DAGLA: variants seen among roughly 807,000 people sequenced by gnomAD.
The protein encoded by DAGLA is diacylglycerol lipase-alpha.
Under a neutral mutation model 102.6 loss-of-function variants are expected in DAGLA, and 22 were observed. That is an observed-to-expected ratio of 0.21 (90% CI 0.15 to 0.31). DAGLA has a LOEUF of 0.31. DAGLA is among the 10% of genes least tolerant of loss of function. DAGLA has a pLI of 1.00. For missense variants in DAGLA, 927 were observed against 1,446.6 expected (o/e 0.64, Z 5.83); for synonymous variants, 578 against 628.9 (o/e 0.92, Z 1.21).
intron 1 of DAGLA, among the ~76,000 whole-genome samples, chr11:61,707,255 C>T (rs979983557): frequency 2.6e-5 from 4 of 152,366 alleles, no homozygotes; most frequent in Admixed American, 6.5e-5. Flanking sequence ...GAAGTGACAG[C>T]GTGACAAGGC....
In DAGLA at chr11:61,735,010, C is replaced by A; in HGVS notation, c.1128+8C>A. 6.2e-7 allele frequency: 1 copy of A among 1,611,434 alleles called. No individual in the cohort carries two copies. The highest frequency in any genetic ancestry group is 8.5e-7 in the Non-Finnish European group (1 of 1,178,154). On this transcript the variant is annotated splice_region_variant and intron_variant, in intron 10 of 19. Transcript: ENST00000257215. ...ACCTCCTGCCATGATGCGGTGAGGC[C>A]GGGCAGGGCTGGGGCCTGGTGTCAG...
intron 9 of DAGLA, among the ~76,000 whole-genome samples, chr11:61,733,213 A>C (rs991033408): frequency 6.6e-6 from 1 of 152,190 alleles, no homozygotes; most frequent in Non-Finnish European, 1.5e-5. Flanking sequence ...GTGATACAGC[A>C]AGGGTTCAAA....
rs61896067 is a variant in DAGLA, at chr11:61,745,088, G to A, written c.*599G>A. 0.13 allele frequency: 20,227 copies of A among 154,096 alleles called. 1,739 individuals are homozygous for A. The highest frequency in any genetic ancestry group is 0.22 in the South Asian group (1,042 of 4,842). 9.5% of individuals were successfully genotyped at this position (154,096 alleles called of 1,614,324 possible). ...CCGCCCAATCATGTGTTCAGTAGCC[G>A]TCCTCTGAGCAGGGCCCAAGGCAGC... On this transcript the variant is annotated 3_prime_UTR_variant, in exon 20 of 20. Coordinates refer to ENST00000257215, the MANE Select transcript of DAGLA (RefSeq NM_006133.3).
chr11:61,732,924 GC>G (rs2065388569), intron 9 of DAGLA, among the ~76,000 whole-genome samples: 1 of 152,286 alleles, frequency 6.6e-6, no homozygotes, highest in East Asian at 1.9e-4. Flanking sequence ...CCCTAGCCCT[GC>G]CCTGGATGAG....
intron 4 of DAGLA, 100 bp from the exon 5 acceptor site, chr11:61,723,334 T>G: frequency 3.4e-6 from 5 of 1,482,330 alleles, no homozygotes; most frequent in East Asian, 2.3e-5. Flanking sequence ...CCCAGAAGCA[T>G]TTGGGGTTAG....
intron 1 of DAGLA, among the ~76,000 whole-genome samples, chr11:61,718,087 G>A (rs1405298375): frequency 6.6e-6 from 1 of 152,160 alleles, no homozygotes; most frequent in African/African-American, 2.4e-5. Flanking sequence ...ACCTCCCAGG[G>A]TGACTGAGAG....
At chr11:61,696,011 G>A (rs1334216857) in intron 1 of DAGLA, among the ~76,000 whole-genome samples, 1 of 152,242 alleles carries the variant, frequency 6.6e-6, no homozygotes. Flanking sequence ...GAGGCCCAAA[G>A]ACGGCAGCCT....
In DAGLA at chr11:61,735,778, C is replaced by G; in HGVS notation, c.1252C>G (p.Pro418Ala). Residue 418 changes from proline (P) to alanine (A), a missense_variant, in exon 12 of 20, where the codon CCC becomes GCC. By Grantham distance (27) the Pro-to-Ala change is conservative. This residue lies in a region of DAGLA where 218 missense variants were observed against 459.6 expected (regional missense o/e 0.47). Coordinates refer to ENST00000257215, the MANE Select transcript of DAGLA (RefSeq NM_006133.3). ...CCTGACGGGTGATGCTGAGCGCCTCCCCGTGGAGGGGCACCACGGCACCTG... is the reference window on the plus strand; with the variant it reads ...CCTGACGGGTGATGCTGAGCGCCTCGCCGTGGAGGGGCACCACGGCACCTG... ...TDLTGDAERL[P>A]VEGHHGTWLG... The G allele has an allele frequency of 6.2e-7, 1 of 1,613,176 alleles. No individual in the cohort carries two copies. Among genetic ancestry groups the G allele is most frequent in the Non-Finnish European group, 8.5e-7 (1 of 1,179,658 alleles).
At position 61,743,598 on chromosome 11, in the gene DAGLA, TGCG is replaced by T. The variant is rs776162024; in HGVS notation, c.2247_2249del (p.Ala750del). 16 of 1,570,674 alleles carry T rather than the reference TGCG, an allele frequency of 1.0e-5. No individual in the cohort carries two copies. The Middle Eastern group carries it at 5.3e-4, about 52-fold the overall frequency. Reference sequence around the variant, plus strand: ...AGGGGCGGCTGCTGTCGCCAGTGGTTGCGGCGGCGGCCCGCCAGGACCCGGTGG... The same window carrying T: ...AGGGGCGGCTGCTGTCGCCAGTGGTTGCGGCGGCCCGCCAGGACCCGGTGG... On this transcript the variant is annotated inframe_deletion, in exon 20 of 20. Coordinates refer to ENST00000257215, the MANE Select transcript of DAGLA (RefSeq NM_006133.3).
chr11:61,733,755 G>A (rs924102608), intron 9 of DAGLA, among the ~76,000 whole-genome samples: 4 of 152,248 alleles, frequency 2.6e-5, no homozygotes, highest in Admixed American at 1.3e-4. Context: ...ACTGCCCAGC[G>A]AGGAGGCGGA....
chr11:61,713,618 C>T (rs1244676584), intron 1 of DAGLA, among the ~76,000 whole-genome samples: 1 of 152,228 alleles, frequency 6.6e-6, no homozygotes, highest in East Asian at 1.9e-4. Context: ...CTCACCACGA[C>T]CAAAGCCTGT....
At chr11:61,713,300 C>T (rs2065209167) in intron 1 of DAGLA, among the ~76,000 whole-genome samples, 1 of 152,202 alleles carries the variant, frequency 6.6e-6, no homozygotes, top group Non-Finnish European at 1.5e-5. Context: ...GGTTCTGGGC[C>T]TAGGCTGTGT....
Position 61,734,257 on chromosome 11 carries a change from G to A in DAGLA, c.975-592G>A, listed in dbSNP as rs949549406. 7.1e-6 allele frequency among the ~76,000 whole-genome samples: 1 copy of A among 141,272 alleles called. No homozygotes were observed. The highest frequency in any genetic ancestry group is 2.6e-5 in the African/African-American group (1 of 38,646). The allele number at this position is 141,272 out of a possible 152,430, so 92.7% of individuals were successfully genotyped here. A position where few individuals can be genotyped will look rare whatever the true frequency, so the allele number is the denominator to read the frequency against. ...CGTGTACTGACCGAGTGGCATGGCC[G>A]TGGGGGTGAGGGCTGAGGAGCCACA... is the stretch of plus-strand genomic sequence containing the variant. On this transcript the variant is annotated intron_variant, in intron 9 of 19. Coordinates refer to ENST00000257215, the MANE Select transcript of DAGLA (RefSeq NM_006133.3). This position sits in a 1 kb window ranked among gnomAD's most constrained non-coding sequence, Gnocchi z 4.2.
At chr11:61,696,246 G>A (rs1565247876) in intron 1 of DAGLA, among the ~76,000 whole-genome samples, 2 of 152,246 alleles carry the variant, frequency 1.3e-5, no homozygotes, top group Non-Finnish European at 2.9e-5. Context: ...CGGCCTGGCT[G>A]TGCCTCAGCC....
intron 1 of DAGLA, among the ~76,000 whole-genome samples, chr11:61,698,171 C>A (rs1367575547): frequency 6.6e-6 from 1 of 152,234 alleles, no homozygotes; most frequent in Non-Finnish European, 1.5e-5. Context: ...TCCTGGCCCC[C>A]AGTCTGCTCA....
At chr11:61,716,805 A>T (rs928907664) in intron 1 of DAGLA, among the ~76,000 whole-genome samples, 1 of 152,226 alleles carries the variant, frequency 6.6e-6, no homozygotes, top group African/African-American at 2.4e-5. Context: ...CAGAATGGTT[A>T]GTACTTAGTC....
intron 1 of DAGLA, among the ~76,000 whole-genome samples, chr11:61,699,635 C>T (rs914082798): frequency 1.2e-4 from 18 of 152,374 alleles, no homozygotes; most frequent in Non-Finnish European, 1.5e-5. Context: ...AGACTCATGC[C>T]TTGCCTGTTC....
intron 15 of DAGLA, 29 bp from the exon 16 acceptor site, chr11:61,738,106 C>T (rs1474838403): frequency 6.2e-7 from 1 of 1,600,008 alleles, no homozygotes; most frequent in South Asian, 1.1e-5. Context: ...CCAGGCCTGG[C>T]TGACGGCCCT....
chr11:61,734,770 G>T lies in DAGLA; in HGVS notation c.975-79G>T. The stretch of plus-strand genomic sequence containing the variant: ...TGGGGCTGAATGCCCAACTGGAACT[G>T]GTTCCAGGGACAGTGGCAGGAGACA... On this transcript the variant is annotated intron_variant, in intron 9 of 19. Coordinates refer to ENST00000257215, the MANE Select transcript of DAGLA (RefSeq NM_006133.3). The surrounding 1 kb of genome is among the most constrained non-coding windows in gnomAD (Gnocchi z 4.2). 7.0e-7 allele frequency: 1 copy of T among 1,424,496 alleles called. No homozygotes were observed. 88.2% of individuals were successfully genotyped at this position (1,424,496 alleles called of 1,614,324 possible).
Sources: gnomAD v4.1 joint callset for allele counts (sites outside exome capture counted in the v4.1 genomes callset) on GRCh38, gnomAD v4.1.1 for gene constraint, gnomAD v4.1.1 regional missense constraint, Gnocchi (gnomAD v3.1) non-coding constraint, MANE v1.5 for transcripts, NCBI Gene and HGNC (gene_info 2026-07-23, HGNC 2026-07-21) for gene names.